Variants in RBM6 observed in about 807,000 individuals in gnomAD.
RBM6 encodes RNA-binding protein 6.
RBM6 carries 23 observed loss-of-function variants against 140.4 expected under a neutral mutation model. That is an observed-to-expected ratio of 0.16 (90% CI 0.12 to 0.23). The LOEUF is 0.23. RBM6 is among the 10% of genes least tolerant of loss of function. RBM6 has a pLI of 1.00. For missense variants in RBM6, 1,139 were observed against 1,386.7 expected, an observed-to-expected ratio of 0.82 and a Z score of 2.84; for synonymous variants, 439 against 475.6, an observed-to-expected ratio of 0.92 and a Z score of 1.00.
intron 19 of RBM6, 66 bp downstream of exon 19, chr3:50,070,618 A>G: frequency 5.4e-6 from 6 of 1,118,666 alleles, no homozygotes; most frequent in Non-Finnish European, 6.8e-6. Flanking sequence ...TCCTCCTTCA[A>G]CTGTACTGCT....
rs745792755 is a variant in RBM6, at chr3:50,059,717, A to G, written c.2199A>G (p.Val733=). ...CATTTAGCATTGATGGGAAGATGGT[A>G]GCTGTAAACCTGGCCACTGGAAAAC... ...DPPFSIDGKM[V]AVNLATGKRR... Residue 733 remains valine, a synonymous_variant, in exon 11 of 21, where the codon GTA becomes GTG. Transcript: ENST00000266022. 6.2e-7 allele frequency: 1 copy of G among 1,613,928 alleles called. No individual in the cohort carries two copies. The highest frequency in any genetic ancestry group is 1.1e-5 in the South Asian group (1 of 91,014).
rs1575846683 is a variant in RBM6 at position 50,061,137 on chromosome 3, T to C, written c.2272-3T>C. 1 of 1,614,176 alleles carries C rather than the reference T, an allele frequency of 6.2e-7. No homozygotes were observed. Among genetic ancestry groups the C allele is most frequent in the African/African-American group, 1.3e-5 (1 of 75,050 alleles). On this transcript the variant is annotated splice_polypyrimidine_tract_variant and splice_region_variant and intron_variant, in intron 12 of 20. Transcript: ENST00000266022. ...GTAATTTTAACTTGCCTTTCTGTGA[T>C]AGGGTAAAAAATATTTCCGAGATAG...
chr3:49,968,772 T>TTTTTC, intron 3 of RBM6, 24 bp downstream of exon 3: 1 of 496,664 alleles, frequency 2.0e-6, no homozygotes, highest in Non-Finnish European at 2.6e-6. Flanking sequence ...GTGGATTGCT[T>TTTTTC]TTTTTTTTTT....
chr3:49,954,169 A>G (rs1049828005), intron 1 of RBM6, among the ~76,000 whole-genome samples: 3 of 151,682 alleles, frequency 2.0e-5, no homozygotes, highest in Admixed American at 6.6e-5. Context: ...GCCGGGCGCA[A>G]TGGCTCACGC....
chr3:50,062,869 C>G (rs1235861281), intron 15 of RBM6, among the ~76,000 whole-genome samples: 1 of 149,292 alleles, frequency 6.7e-6, no homozygotes, highest in African/African-American at 2.4e-5. Flanking sequence ...TATTTGTCTT[C>G]TCTTTCTAAT....
chr3:50,063,800 C>T (rs1025626432), intron 15 of RBM6, among the ~76,000 whole-genome samples: 4 of 151,484 alleles, frequency 2.6e-5, no homozygotes, highest in African/African-American at 9.7e-5. Flanking sequence ...ACTCAGGAGG[C>T]TGAGGCAGGA....
intron 2 of RBM6, among the ~76,000 whole-genome samples, chr3:49,966,661 G>A (rs1412700981): frequency 1.3e-5 from 2 of 152,212 alleles, no homozygotes; most frequent in African/African-American, 4.8e-5. Flanking sequence ...GATCATGCTT[G>A]AAGACCTAAT....
At chr3:49,962,735 T>C (rs2084338389) in intron 2 of RBM6, 50 bp downstream of exon 2, 2 of 1,440,888 alleles carry the variant, frequency 1.4e-6, no homozygotes, top group Non-Finnish European at 1.9e-6. Flanking sequence ...TAATTATAAA[T>C]GTGTAACATT....
At chr3:50,023,160 T>G (rs2087600951) in intron 6 of RBM6, among the ~76,000 whole-genome samples, 1 of 152,096 alleles carries the variant, frequency 6.6e-6, no homozygotes, top group Non-Finnish European at 1.5e-5. Context: ...CGAGATGAGT[T>G]TTCCCAAGAA....
intron 20 of RBM6, 111 bp from the exon 21 acceptor site, chr3:50,076,897 A>C: frequency 8.7e-7 from 1 of 1,153,206 alleles, no homozygotes; most frequent in Non-Finnish European, 1.2e-6. Flanking sequence ...AAAAAAAAAA[A>C]ATTATCCTAT....
At chr3:49,941,656 A>C (rs1213705642) in intron 1 of RBM6, among the ~76,000 whole-genome samples, 3 of 149,920 alleles carry the variant, frequency 2.0e-5, no homozygotes, top group Non-Finnish European at 3.0e-5. Context: ...AAAAAAAAAA[A>C]AAAAAAAAAA....
chr3:49,984,624 TCGCA>T (rs1559552822), intron 5 of RBM6, among the ~76,000 whole-genome samples: 442 of 40,548 alleles, frequency 0.011, 4 homozygotes, highest in Non-Finnish European at 8.7e-4. Flanking sequence ...TCGCATCGCA[TCGCA>T]TCGCATCGCA....
rs763489133 is a variant in RBM6 at position 49,962,603 on chromosome 3, A to T, written c.-39A>T. 3 of 1,574,950 alleles carry T rather than the reference A, an allele frequency of 1.9e-6. No homozygotes were observed. In the African/African-American group the frequency reaches 4.1e-5, roughly 22 times the overall value. On this transcript the variant is annotated 5_prime_UTR_variant, in exon 2 of 21. Coordinates refer to ENST00000266022, the MANE Select transcript of RBM6 (RefSeq NM_005777.3). ...ACTGCTATAACCAGAATTTGGTAGA[A>T]AAAGGATTTACTTGTTGGGGCCCTC... is the stretch of plus-strand genomic sequence containing the variant.
chr3:49,965,825 T>C (rs1016464683), intron 2 of RBM6, among the ~76,000 whole-genome samples: 3 of 152,140 alleles, frequency 2.0e-5, no homozygotes, highest in African/African-American at 7.2e-5. Flanking sequence ...GTTAAATTCC[T>C]GTTACTTTAA....
chr3:50,077,043 C>G lies in RBM6; in HGVS notation c.3282C>G (p.Ala1094=). 6.2e-7 allele frequency: 1 copy of G among 1,612,954 alleles called. No homozygotes were observed. Among genetic ancestry groups the G allele is most frequent in the Non-Finnish European group, 8.5e-7 (1 of 1,179,848 alleles). The change falls in exon 21 of 21, where the codon GCC becomes GCG. Residue 1094 remains alanine, a synonymous_variant. Coordinates refer to ENST00000266022, the MANE Select transcript of RBM6 (RefSeq NM_005777.3). ...EGRMRGPSVG[A]SGRTSKRQSN... ...GGATGAGGGGCCCCAGTGTTGGAGC[C>G]TCAGGAAGAACCAGCAAAAGACAGT...
At chr3:49,957,037 C>T (rs1575542074) in intron 1 of RBM6, among the ~76,000 whole-genome samples, 1 of 152,094 alleles carries the variant, frequency 6.6e-6, no homozygotes, top group Non-Finnish European at 1.5e-5. Context: ...GATTGGAGAA[C>T]AGTGATGAGA....
intron 6 of RBM6, among the ~76,000 whole-genome samples, chr3:50,017,899 T>A (rs1350445608): frequency 6.6e-6 from 1 of 152,228 alleles, no homozygotes; most frequent in Non-Finnish European, 1.5e-5. Flanking sequence ...CTAGTAGTTT[T>A]ACAATTTCTG....
intron 5 of RBM6, among the ~76,000 whole-genome samples, chr3:49,977,237 G>A (rs895573077): frequency 1.8e-4 from 27 of 152,086 alleles, no homozygotes; most frequent in Non-Finnish European, 3.7e-4. Flanking sequence ...CTTTTCTCTT[G>A]TCTTTGACCA....
chr3:49,975,182 C>A, intron 4 of RBM6, 141 bp from the exon 5 acceptor site: 1 of 706,754 alleles, frequency 1.4e-6, no homozygotes. Context: ...ATGTGAATGC[C>A]TTGAGTGTTC....
Sources: gnomAD v4.1 joint callset for allele counts (sites outside exome capture counted in the v4.1 genomes callset) on GRCh38, gnomAD v4.1.1 for gene constraint, MANE v1.5 for transcripts, NCBI Gene and HGNC (gene_info 2026-07-23, HGNC 2026-07-21) for gene names.